WDR37: variants seen among roughly 807,000 people sequenced by gnomAD.
WDR37 encodes the protein WD repeat domain 37.
In WDR37, 19 loss-of-function variants were observed where a neutral mutation model predicts 62.9. That is an observed-to-expected ratio of 0.30 (90% CI 0.21 to 0.44). The LOEUF is 0.44. WDR37 is among the 20% of genes least tolerant of loss of function. The probability of loss-of-function intolerance (pLI) is 1.00; values close to 1 mark genes in which losing one functional copy is unlikely to be tolerated. For missense variants in WDR37, 474 were observed against 657.6 expected (o/e 0.72, Z 3.05); for synonymous variants, 250 against 260.9 (o/e 0.96, Z 0.40).
intron 1 of WDR37, among the ~76,000 whole-genome samples, chr10:1,064,380 G>A (rs898340190): frequency 2.0e-5 from 3 of 152,090 alleles, no homozygotes; most frequent in Non-Finnish European, 2.9e-5. Context: ...GGGGGAAAAC[G>A]TGTCTGAAGA....
chr10:1,103,404 G>A lies in WDR37; in HGVS notation c.727-198G>A, dbSNP rs567061627. Among the ~76,000 whole-genome samples, 2 of 152,280 alleles carry A rather than the reference G, an allele frequency of 1.3e-5. No homozygotes were observed. The highest frequency in any genetic ancestry group is 4.8e-5 in the African/African-American group (2 of 41,562). On this transcript the variant is annotated intron_variant, in intron 9 of 13. Transcript: ENST00000263150. This position sits in a 1 kb window ranked among gnomAD's most constrained non-coding sequence, Gnocchi z 6.3. ...TGTACGAGATGGTCGTAGAGTTGAT[G>A]GGTGTTCACGGGCAGCAGTTATGGG... is the stretch of plus-strand genomic sequence containing the variant.
In WDR37 at chr10:1,076,361, A is replaced by G. The variant is rs551332944; in HGVS notation, c.139-1546A>G. On this transcript the variant is annotated intron_variant, in intron 2 of 13. Coordinates refer to ENST00000263150, the MANE Select transcript of WDR37 (RefSeq NM_014023.4). Reference sequence around the variant, plus strand: ...TTTAAGTTGATCTCAGAAGGATTTAATAAATATAGTGCATCTTTTTAAAAA... The same window carrying G: ...TTTAAGTTGATCTCAGAAGGATTTAGTAAATATAGTGCATCTTTTTAAAAA... Among the ~76,000 whole-genome samples, 13 of 152,242 alleles carry G rather than the reference A, an allele frequency of 8.5e-5. 1 individual carries two copies. The South Asian group carries it at 2.7e-3, about 32-fold the overall frequency.
chr10:1,109,124 AC>A (rs1014324210), intron 11 of WDR37, among the ~76,000 whole-genome samples: 8 of 152,130 alleles, frequency 5.3e-5, no homozygotes, highest in Admixed American at 5.2e-4. Flanking sequence ...AGAGAGAGAA[AC>A]TGAGGCATGA....
intron 6 of WDR37, 82 bp downstream of exon 6, chr10:1,084,620 G>A: frequency 6.4e-7 from 1 of 1,567,382 alleles, no homozygotes; most frequent in Non-Finnish European, 8.7e-7. Context: ...CTTTTCTGTG[G>A]CAGAGGAACC....
intron 13 of WDR37, 151 bp downstream of exon 13, chr10:1,125,175 G>C: frequency 7.4e-7 from 1 of 1,351,656 alleles, no homozygotes; most frequent in Non-Finnish European, 9.8e-7. Flanking sequence ...ATTTAAAATT[G>C]AAGAAGTAGA....
At chr10:1,088,984 G>C (rs185119566) in intron 7 of WDR37, among the ~76,000 whole-genome samples, 2 of 152,176 alleles carry the variant, frequency 1.3e-5, no homozygotes, top group African/African-American at 4.8e-5. Flanking sequence ...TAGAGTGGAC[G>C]GCAAGCCTTG....
At position 1,093,449 on chromosome 10, in the gene WDR37, C is replaced by T. The variant is rs1463198891; in HGVS notation, c.605-3C>T. On this transcript the variant is annotated splice_polypyrimidine_tract_variant and splice_region_variant and intron_variant, in intron 7 of 13. Transcript: ENST00000263150. The stretch of plus-strand genomic sequence containing the variant: ...CTGTTTTTATCATATTTTTATTTTG[C>T]AGTAAATTCTATCAAATTTCATCCC... 1 of 1,606,190 alleles carries T rather than the reference C, an allele frequency of 6.2e-7. No homozygotes were observed. The highest frequency in any genetic ancestry group is 8.5e-7 in the Non-Finnish European group (1 of 1,176,822).
rs1311664509 is a variant in WDR37, at chr10:1,103,653, G to T, written c.778G>T (p.Asp260Tyr). 3.1e-6 allele frequency: 5 copies of T among 1,614,120 alleles called. No homozygotes were observed. Among genetic ancestry groups the T allele is most frequent in the Middle Eastern group, 1.6e-4 (1 of 6,084 alleles). ...ECSDKDEPDL[D>Y]GDVSSDCPTI... The stretch of plus-strand genomic sequence containing the variant: ...CTCTGACAAGGACGAGCCCGACCTC[G>T]ATGGGGATGTGTCCAGCGACTGCCC... The change falls in exon 10 of 14, where the codon GAT becomes TAT. Residue 260 changes from aspartate to tyrosine, a missense_variant. Physicochemically the swap from Asp to Tyr is radical, Grantham distance 160 (BLOSUM62 -3). Coordinates refer to ENST00000263150, the MANE Select transcript of WDR37 (RefSeq NM_014023.4). The surrounding 1 kb of genome is among the most constrained non-coding windows in gnomAD (Gnocchi z 6.3).
intron 5 of WDR37, among the ~76,000 whole-genome samples, chr10:1,083,334 G>A (rs763863473): frequency 1.3e-5 from 2 of 152,210 alleles, no homozygotes; most frequent in African/African-American, 4.8e-5. Context: ...CTCTTCCTCA[G>A]CCTTTTATAT....
rs1472999352 is a variant in WDR37, at chr10:1,080,435, T to C, written c.355T>C (p.Ser119Pro). Residue 119 changes from serine (S) to proline (P), a missense_variant, in exon 5 of 14, where the codon TCC becomes CCC. Transcript: ENST00000263150. ...TKASHSTSQL[S>P]QKLKTTYKAS... ...AGCCAGTCACAGCACCAGCCAGCTC[T>C]CCCAGAAACTGAAGACCACTTACAA... 1 of 1,614,170 alleles carries C rather than the reference T, an allele frequency of 6.2e-7. No individual in the cohort carries two copies. The highest frequency in any genetic ancestry group is 2.2e-5 in the East Asian group (1 of 44,874).
chr10:1,122,253 A>G (rs975663837), intron 11 of WDR37, among the ~76,000 whole-genome samples: 1 of 152,214 alleles, frequency 6.6e-6, no homozygotes, highest in African/African-American at 2.4e-5. Context: ...TGTGACGACA[A>G]GAGGACACTT....
In WDR37 at chr10:1,108,749, C is replaced by CCCCCCG. The variant is rs1466041154; in HGVS notation, c.1103+3484_1103+3485insCCCGCC. On this transcript the variant is annotated intron_variant, in intron 11 of 13. Coordinates refer to ENST00000263150, the MANE Select transcript of WDR37 (RefSeq NM_014023.4). ...TTTGGCTTCTGTGATGCCCCCCCCC[C>CCCCCCG]CCGTGGAACCTGCAGGGCCCTGAGT... 9.4e-5 allele frequency among the ~76,000 whole-genome samples: 12 copies of CCCCCCG among 128,026 alleles called. 1 individual carries two copies. The highest frequency in any genetic ancestry group is 3.3e-4 in the Admixed American group (4 of 12,274). The allele number at this position is 128,026 out of a possible 152,430, so 84.0% of individuals were successfully genotyped here. A position where few individuals can be genotyped will look rare whatever the true frequency, so the allele number is the denominator to read the frequency against.
rs1833758467 is a variant in WDR37 at position 1,072,425 on chromosome 10, C to T, written c.138+132C>T. 5.7e-6 allele frequency: 7 copies of T among 1,234,918 alleles called. No homozygotes were observed. In the East Asian group the frequency reaches 1.2e-4, roughly 21 times the overall value. 76.5% of individuals were successfully genotyped at this position (1,234,918 alleles called of 1,614,324 possible). A position where few individuals can be genotyped will look rare whatever the true frequency, so the allele number is the denominator to read the frequency against. On this transcript the variant is annotated intron_variant, in intron 2 of 13. Coordinates refer to ENST00000263150, the MANE Select transcript of WDR37 (RefSeq NM_014023.4). ...CACCTCCTGGGTGGAAGTGATTCTC[C>T]TGCCTCAGCCTACTGAGTAGCTGGG...
chr10:1,094,090 G>C (rs185704764), intron 8 of WDR37, among the ~76,000 whole-genome samples: 19 of 152,330 alleles, frequency 1.2e-4, no homozygotes, highest in Admixed American at 8.5e-4. Context: ...GGACATTGGT[G>C]ATGATCTCGA....
intron 9 of WDR37, 106 bp downstream of exon 9, chr10:1,096,352 T>C: frequency 7.6e-7 from 1 of 1,318,538 alleles, no homozygotes; most frequent in South Asian, 1.2e-5. Context: ...TCCCCCCAAG[T>C]TCAGTGTTGA....
intron 11 of WDR37, among the ~76,000 whole-genome samples, chr10:1,118,641 A>G (rs1835478202): frequency 6.6e-6 from 1 of 152,218 alleles, no homozygotes; most frequent in African/African-American, 2.4e-5. Context: ...GAGCAGAGAA[A>G]CACTTCATTT....
In WDR37 at chr10:1,103,013, A is replaced by C. The variant is rs1397030553; in HGVS notation, c.727-589A>C. 6.6e-6 allele frequency among the ~76,000 whole-genome samples: 1 copy of C among 152,024 alleles called. No individual in the cohort carries two copies. Among genetic ancestry groups the C allele is most frequent in the African/African-American group, 2.4e-5 (1 of 41,382 alleles). The stretch of plus-strand genomic sequence containing the variant: ...ACCTGGGCTGGGGGTGGGGACTGGC[A>C]CTCTGTCACCCCCTGATAAATATTT... On this transcript the variant is annotated intron_variant, in intron 9 of 13. Coordinates refer to ENST00000263150, the MANE Select transcript of WDR37 (RefSeq NM_014023.4). This position sits in a 1 kb window ranked among gnomAD's most constrained non-coding sequence, Gnocchi z 6.3.
intron 1 of WDR37, among the ~76,000 whole-genome samples, chr10:1,068,549 C>T (rs994927937): frequency 1.3e-5 from 2 of 152,004 alleles, no homozygotes; most frequent in African/African-American, 4.8e-5. Flanking sequence ...CACAAAATTT[C>T]TCATGTATGA....
intron 1 of WDR37, among the ~76,000 whole-genome samples, chr10:1,057,320 G>GGAGGGCCCGGGGCGGCGCT: frequency 6.6e-6 from 1 of 151,312 alleles, no homozygotes; most frequent in Non-Finnish European, 1.5e-5. Flanking sequence ...TCGGGGCGCT[G>GGAGGGCCCGGGGCGGCGCT]GAGGGGTTGG....
Sources: allele counts gnomAD v4.1 joint callset (sites outside exome capture counted in the v4.1 genomes callset), GRCh38; gene constraint gnomAD v4.1.1; non-coding constraint Gnocchi (gnomAD v3.1); transcripts MANE v1.5; gene names NCBI Gene and HGNC (gene_info 2026-07-23, HGNC 2026-07-21).